Variants in TRIM68 observed in about 807,000 individuals in gnomAD.
TRIM68 encodes E3 ubiquitin-protein ligase TRIM68.
Under a neutral mutation model 41.9 loss-of-function variants are expected in TRIM68, and 36 were observed. That is an observed-to-expected ratio of 0.86 (90% CI 0.66 to 1.14). The LOEUF (loss-of-function observed/expected upper bound fraction) is 1.14, where lower values mean the gene tolerates loss of function less well. Ranked by LOEUF, TRIM68 falls within the 50% of genes most tolerant of loss-of-function variation. The pLI, the probability that TRIM68 is intolerant of heterozygous loss-of-function variation, is 0.00. For missense variants in TRIM68, 632 were observed against 605.1 expected, an observed-to-expected ratio of 1.04 and a Z score of -0.47; for synonymous variants, 225 against 224.6, an observed-to-expected ratio of 1.00 and a Z score of -0.02.
intron 3 of TRIM68, 31 bp downstream of exon 3, chr11:4,603,214 C>T (rs1846519324): frequency 6.2e-7 from 1 of 1,607,198 alleles, no homozygotes; most frequent in Middle Eastern, 1.7e-4. Context: ...GGACGACTGA[C>T]ACAAACTCCT....
Position 4,600,366 on chromosome 11 carries a change from C to G in TRIM68, c.1368G>C (p.Gly456=), listed in dbSNP as rs146764591. The G allele has an allele frequency of 5.6e-6, 9 of 1,613,806 alleles. No individual in the cohort carries two copies. The African/African-American group carries it at 9.3e-5, about 17-fold the overall frequency. Residue 456 remains glycine, a synonymous_variant, in exon 7 of 7, where the codon GGG becomes GGC. Coordinates refer to ENST00000300747, the MANE Select transcript of TRIM68 (RefSeq NM_018073.8). ...IFTFPRYPFP[G]RLLPYFSPCY... Reference sequence around the variant, plus strand: ...AAGGACTAAAATAGGGCAGGAGGCGCCCAGGGAAGGGATAGCGGGGGAAAG... The same window carrying G: ...AAGGACTAAAATAGGGCAGGAGGCGGCCAGGGAAGGGATAGCGGGGGAAAG...
Position 4,599,002 on chromosome 11 carries a change from G to A in TRIM68, c.*1274C>T, listed in dbSNP as rs894961435. The A allele has an allele frequency of 2.6e-5, 4 of 152,028 alleles. No individual in the cohort carries two copies. The highest frequency in any genetic ancestry group is 5.9e-5 in the Non-Finnish European group (4 of 68,026). The allele number at this position is 152,028 out of a possible 1,614,324, so 9.4% of individuals were successfully genotyped here. ...TCCATGAGGCAGGACAATCATATGA[G>A]GTTTTATGCTGAATTACACCCATTT... On this transcript the variant is annotated 3_prime_UTR_variant, in exon 7 of 7. Transcript: ENST00000300747.
chr11:4,603,435 G>T (rs1033172585), intron 2 of TRIM68, 95 bp from the exon 3 acceptor site: 1 of 1,134,074 alleles, frequency 8.8e-7, no homozygotes, highest in Non-Finnish European at 1.3e-6. Context: ...TCAGGCAACC[G>T]GCCACAGTGA....
rs1589847524 is a variant in TRIM68, at chr11:4,600,049, C to T, written c.*227G>A. ...GATCCTCACCATCAGCCCTGTCGTGCTTCCCTCATGGGATGCAATGCTCAT... is the reference window on the plus strand; with the variant it reads ...GATCCTCACCATCAGCCCTGTCGTGTTTCCCTCATGGGATGCAATGCTCAT... On this transcript the variant is annotated 3_prime_UTR_variant, in exon 7 of 7. Coordinates refer to ENST00000300747, the MANE Select transcript of TRIM68 (RefSeq NM_018073.8). The T allele has an allele frequency of 2.1e-6, 1 of 487,072 alleles. No homozygotes were observed. The highest frequency in any genetic ancestry group is 3.1e-5 in the East Asian group (1 of 32,260). 30.2% of individuals were successfully genotyped at this position (487,072 alleles called of 1,614,324 possible).
At chr11:4,604,288 G>A (rs978349162) in intron 2 of TRIM68, among the ~76,000 whole-genome samples, 3 of 152,174 alleles carry the variant, frequency 2.0e-5, no homozygotes, top group African/African-American at 7.2e-5. Flanking sequence ...ACCAATGCTG[G>A]ATCACTGGAT....
At chr11:4,607,713 T>C (rs1464436630) in intron 1 of TRIM68, among the ~76,000 whole-genome samples, 1 of 152,216 alleles carries the variant, frequency 6.6e-6, no homozygotes, top group Admixed American at 6.5e-5. Flanking sequence ...CCTGCTTTAA[T>C]GTTTGACTTT....
chr11:4,608,137 GCA>G lies in TRIM68; in HGVS notation c.-170_-169del, dbSNP rs1846597803. The G allele has an allele frequency of 2.6e-5, 4 of 152,456 alleles. No individual in the cohort carries two copies. Among genetic ancestry groups the G allele is most frequent in the African/African-American group, 9.6e-5 (4 of 41,482 alleles). 9.4% of individuals were successfully genotyped at this position (152,456 alleles called of 1,614,324 possible). ...AGAAGCTGCCGTTCCCGGCAGCTCAGCACTTAGGGCCAGAGAGCGGCAGAGGC... is the reference window on the plus strand; with the variant it reads ...AGAAGCTGCCGTTCCCGGCAGCTCAGCTTAGGGCCAGAGAGCGGCAGAGGC... On this transcript the variant is annotated 5_prime_UTR_variant, in exon 1 of 7. Coordinates refer to ENST00000300747, the MANE Select transcript of TRIM68 (RefSeq NM_018073.8).
chr11:4,600,992 C>T (rs751846248), intron 6 of TRIM68, 35 bp downstream of exon 6: 49 of 1,603,630 alleles, frequency 3.1e-5, no homozygotes, highest in Non-Finnish European at 4.0e-5. Flanking sequence ...GGGTCCCTCC[C>T]ACTGTCCACT....
chr11:4,606,128 C>T (rs1846564884), intron 1 of TRIM68, among the ~76,000 whole-genome samples: 1 of 152,186 alleles, frequency 6.6e-6, no homozygotes, highest in African/African-American at 2.4e-5. Flanking sequence ...GCCTTTTAAA[C>T]CCCTGCCCAC....
In TRIM68 at chr11:4,600,270, G is replaced by T. The variant is rs1261698116; in HGVS notation, c.*6C>A. 6.4e-7 allele frequency: 1 copy of T among 1,559,558 alleles called. No homozygotes were observed. On this transcript the variant is annotated 3_prime_UTR_variant, in exon 7 of 7. Transcript: ENST00000300747. ...CCAAGCCTCTCTGGTTAGGGTGGTA[G>T]CTTTCTTAGTCCTCCCCATCCAGGG...
chr11:4,601,329 G>T (rs928506128), intron 5 of TRIM68: 1 of 603,888 alleles, frequency 1.7e-6, no homozygotes, highest in African/African-American at 1.9e-5. Context: ...TATGGGAAGG[G>T]TTGGATGTAT....
Position 4,605,151 on chromosome 11 carries a change from C to G in TRIM68, c.354G>C (p.Glu118Asp). 6.2e-7 allele frequency: 1 copy of G among 1,614,256 alleles called. No homozygotes were observed. The highest frequency in any genetic ancestry group is 8.5e-7 in the Non-Finnish European group (1 of 1,180,052). ...CATGCTCTGGGGACTGGCTGCAGGCCTCACACATTATCAAGACATCCTCTT... is the reference window on the plus strand; with the variant it reads ...CATGCTCTGGGGACTGGCTGCAGGCGTCACACATTATCAAGACATCCTCTT... ...FCKEDVLIMC[E>D]ACSQSPEHEA... The change falls in exon 2 of 7, where the codon GAG (glutamate) becomes GAC (aspartate). Residue 118 changes from glutamate (E) to aspartate (D), a missense_variant. Transcript: ENST00000300747.
In TRIM68 at chr11:4,602,239, G is replaced by A. The variant is rs1564865275; in HGVS notation, c.696C>T (p.Ser232=). The change falls in exon 4 of 7, where the codon AGC becomes AGT. Residue 232 remains serine (S), a synonymous_variant. Coordinates refer to ENST00000300747, the MANE Select transcript of TRIM68 (RefSeq NM_018073.8). ...GGACCTGGCTCTGCTGGATGAGCTC[G>A]CTATGGTTCAACTCCAGTTTCTGCA... ...ETMQKLELNH[S]ELIQQSQVLW... 7.4e-6 allele frequency: 12 copies of A among 1,614,112 alleles called. No homozygotes were observed. The highest frequency in any genetic ancestry group is 1.1e-5 in the South Asian group (1 of 91,076).
chr11:4,601,982 C>A, intron 4 of TRIM68, 170 bp downstream of exon 4: 1 of 1,017,800 alleles, frequency 9.8e-7, no homozygotes, highest in Non-Finnish European at 1.4e-6. Context: ...ACCAGGTCAT[C>A]CACCAGCCAG....
chr11:4,602,278 C>T lies in TRIM68; in HGVS notation c.657G>A (p.Glu219=), dbSNP rs753694395. 1.9e-6 allele frequency: 3 copies of T among 1,614,170 alleles called. No homozygotes were observed. The highest frequency in any genetic ancestry group is 2.5e-6 in the Non-Finnish European group (3 of 1,180,024). Residue 219 remains glutamate, a synonymous_variant, in exon 4 of 7, where the codon GAG becomes GAA. Coordinates refer to ENST00000300747, the MANE Select transcript of TRIM68 (RefSeq NM_018073.8). The part of the protein sequence containing the change: ...VAAALASLQR[E]AAETMQKLEL... ...CCAGTTTCTGCATGGTCTCCGCTGC[C>T]TCCCGCTGTAGGCTGGCCAGAGCTG...
intron 2 of TRIM68, among the ~76,000 whole-genome samples, chr11:4,604,733 G>C (rs1368933578): frequency 3.9e-5 from 6 of 152,178 alleles, no homozygotes; most frequent in Non-Finnish European, 5.9e-5. Context: ...GTGTAGCCTT[G>C]ACCATCTATA....
In TRIM68 at chr11:4,600,383, G is replaced by A. The variant is rs201728210; in HGVS notation, c.1351C>T (p.Arg451Cys). The change falls in exon 7 of 7, where the codon CGC becomes TGC. Residue 451 changes from arginine (R) to cysteine (C), a missense_variant. Physicochemically the swap from Arg to Cys is radical, Grantham distance 180. Coordinates refer to ENST00000300747, the MANE Select transcript of TRIM68 (RefSeq NM_018073.8). ...AGGAGGCGCCCAGGGAAGGGATAGC[G>A]GGGGAAAGTGAAGATGTGGGAGCCA... Reference protein sequence around the residue: ...DCGSHIFTFPRYPFPGRLLPY... With the variant: ...DCGSHIFTFPCYPFPGRLLPY... The A allele has an allele frequency of 3.3e-5, 54 of 1,614,102 alleles. No individual in the cohort carries two copies. Among genetic ancestry groups the A allele is most frequent in the East Asian group, 4.5e-5 (2 of 44,874 alleles).
rs1470614162 is a variant in TRIM68, at chr11:4,599,156, G to C, written c.*1120C>G. The C allele has an allele frequency of 2.0e-5, 3 of 152,180 alleles. No individual in the cohort carries two copies. The highest frequency in any genetic ancestry group is 7.2e-5 in the African/African-American group (3 of 41,440). 9.4% of individuals were successfully genotyped at this position (152,180 alleles called of 1,614,324 possible). ...CTTGTTTCACTTGAGTGTGAAAAATGCTTTATAATTTTGATAATCTTACCT... is the reference window on the plus strand; with the variant it reads ...CTTGTTTCACTTGAGTGTGAAAAATCCTTTATAATTTTGATAATCTTACCT... On this transcript the variant is annotated 3_prime_UTR_variant, in exon 7 of 7. Transcript: ENST00000300747.
chr11:4,602,092 C>T, intron 4 of TRIM68, 60 bp downstream of exon 4: 2 of 1,608,066 alleles, frequency 1.2e-6, no homozygotes, highest in South Asian at 1.1e-5. Flanking sequence ...ATGCTCTCTC[C>T]TGGAGTCTCA....
Sources: allele counts gnomAD v4.1 joint callset (sites outside exome capture counted in the v4.1 genomes callset), GRCh38; gene constraint gnomAD v4.1.1; transcripts MANE v1.5; gene names NCBI Gene and HGNC (gene_info 2026-07-23, HGNC 2026-07-21).